Variants in MDM2 observed in about 807,000 individuals in gnomAD.
The protein encoded by MDM2 is MDM2 proto-oncogene, also known as E3 ubiquitin-protein ligase Mdm2.
MDM2 carries 11 observed loss-of-function variants against 64.3 expected under a neutral mutation model. The observed-to-expected ratio is 0.17, with a 90% CI of 0.11 to 0.28. The LOEUF (loss-of-function observed/expected upper bound fraction) is 0.28. Ranked by LOEUF, MDM2 falls within the 10% of genes least tolerant of loss-of-function variation. The pLI is 1.00. For missense variants in MDM2, 388 were observed against 577.1 expected (o/e 0.67, Z 3.36); for synonymous variants, 194 against 192.9 (o/e 1.01, Z -0.05).
At chr12:68,832,099 A>C (rs1194503826) in intron 8 of MDM2, among the ~76,000 whole-genome samples, 1 of 152,176 alleles carries the variant, frequency 6.6e-6, no homozygotes, top group Non-Finnish European at 1.5e-5. Flanking sequence ...CTCGTTTTTC[A>C]GGTTAAGTCC....
At chr12:68,814,681 G>T in intron 3 of MDM2, 1 of 282,984 alleles carries the variant, frequency 3.5e-6, no homozygotes, top group Non-Finnish European at 7.1e-6. Context: ...TGATCTTTCT[G>T]GGATAGAGGT....
In MDM2 at chr12:68,839,512, A is replaced by T. The variant is rs1883577034; in HGVS notation, c.1157A>T (p.Asp386Val). The part of the protein sequence containing the change: ...SRESCVEEND[D>V]KITQASQSQE... Reference sequence around the variant, plus strand: ...GAGTCATGTGTTGAGGAAAATGATGATAAAATTACACAAGCTTCACAATCA... The same window carrying T: ...GAGTCATGTGTTGAGGAAAATGATGTTAAAATTACACAAGCTTCACAATCA... The change falls in exon 11 of 11, where the codon GAT (aspartate) becomes GTT (valine). Residue 386 changes from aspartate (D) to valine (V), a missense_variant. Physicochemically the swap from Asp to Val is radical, Grantham distance 152 (BLOSUM62 -3). Transcript: ENST00000258149. 6.2e-7 allele frequency: 1 copy of T among 1,614,072 alleles called. No homozygotes were observed. The highest frequency in any genetic ancestry group is 8.5e-7 in the Non-Finnish European group (1 of 1,180,038).
intron 2 of MDM2, among the ~76,000 whole-genome samples, chr12:68,813,189 G>A (rs2136113269): frequency 6.6e-6 from 1 of 152,298 alleles, no homozygotes; most frequent in East Asian, 1.9e-4. Context: ...AGAAAGAGAA[G>A]ATTGATAACA....
intron 8 of MDM2, among the ~76,000 whole-genome samples, chr12:68,835,529 A>C (rs866860819): frequency 6.6e-6 from 1 of 152,322 alleles, no homozygotes; most frequent in Middle Eastern, 3.4e-3. Context: ...TCCTTTATGC[A>C]GTGGGGTTTT....
intron 1 of MDM2, 131 bp downstream of exon 1, chr12:68,808,622 G>A: frequency 7.4e-7 from 1 of 1,344,432 alleles, no homozygotes; most frequent in Non-Finnish European, 1.0e-6. Flanking sequence ...GGCGCGGGGC[G>A]CGGGGCATGG....
intron 2 of MDM2, among the ~76,000 whole-genome samples, chr12:68,809,850 G>T (rs1013761611): frequency 1.3e-5 from 2 of 152,112 alleles, no homozygotes; most frequent in Admixed American, 1.3e-4. Flanking sequence ...AAAGTCTACA[G>T]AATTCTTTTT....
In MDM2 at chr12:68,840,326, A is replaced by G. The variant is rs1038928487; in HGVS notation, c.*477A>G. On this transcript the variant is annotated 3_prime_UTR_variant, in exon 11 of 11. Transcript: ENST00000258149. The stretch of plus-strand genomic sequence containing the variant: ...CACCTGGCTAATTTTTTGTACTTTT[A>G]GTAGAGACAGGGTTTCACCGTGTTA... The G allele has an allele frequency of 6.4e-5, 11 of 172,100 alleles. No individual in the cohort carries two copies. The highest frequency in any genetic ancestry group is 1.2e-5 in the Non-Finnish European group (1 of 80,196). 10.7% of individuals were successfully genotyped at this position (172,100 alleles called of 1,614,324 possible).
At chr12:68,817,146 ATCATTTACTAGT>A (rs1881454279) in intron 4 of MDM2, 4 of 509,134 alleles carry the variant, frequency 7.9e-6, no homozygotes, top group East Asian at 3.7e-5. Context: ...ACCTAGCCCA[ATCATTTACTAGT>A]TTTGTGACTA....
chr12:68,816,476 A>G (rs1448296832), intron 3 of MDM2, among the ~76,000 whole-genome samples: 1 of 145,948 alleles, frequency 6.9e-6, no homozygotes, highest in Non-Finnish European at 1.5e-5. Context: ...GGGTTCAAGC[A>G]ATTCTCCTGC....
At chr12:68,813,421 T>C in intron 2 of MDM2, 133 bp from the exon 3 acceptor site, 1 of 611,440 alleles carries the variant, frequency 1.6e-6, no homozygotes, top group Non-Finnish European at 3.0e-6. Context: ...TCCATGATAC[T>C]TGCATAATGA....
Position 68,816,950 on chromosome 12 carries a change from T to G in MDM2, c.308+5T>G. ...CTTCTCTGTGAAAGAGCACAGGTAA[T>G]TCTTCAGTTTAGTCCATTGTAAAAA... On this transcript the variant is annotated splice_donor_5th_base_variant and intron_variant, in intron 4 of 10. Coordinates refer to ENST00000258149, the MANE Select transcript of MDM2 (RefSeq NM_002392.6). 6.2e-7 allele frequency: 1 copy of G among 1,612,364 alleles called. No homozygotes were observed. Among genetic ancestry groups the G allele is most frequent in the African/African-American group, 1.3e-5 (1 of 74,948 alleles).
At chr12:68,839,121 C>T (rs1326472106) in intron 10 of MDM2, among the ~76,000 whole-genome samples, 153 bp from the exon 11 acceptor site, 3 of 152,016 alleles carry the variant, frequency 2.0e-5, no homozygotes, top group Non-Finnish European at 4.4e-5. Context: ...AGTCCTCATG[C>T]TGTTTACAGT....
rs1346120136 is a variant in MDM2 at position 68,825,987 on chromosome 12, C to T, written c.523+1336C>T. ...AAGTTAAATGAAAAATAGAATACAA[C>T]ATATTTGAAAGATAGTCACTTTAAA... On this transcript the variant is annotated intron_variant, in intron 7 of 10. Transcript: ENST00000258149. Among the ~76,000 whole-genome samples, 3 of 152,152 alleles carry T rather than the reference C, an allele frequency of 2.0e-5. No individual in the cohort carries two copies. In the East Asian group the frequency reaches 5.8e-4, roughly 29 times the overall value.
intron 8 of MDM2, among the ~76,000 whole-genome samples, chr12:68,834,678 A>G (rs896552920): frequency 6.6e-6 from 1 of 152,196 alleles, no homozygotes; most frequent in African/African-American, 2.4e-5. Flanking sequence ...TGTAGGTTGC[A>G]GTGAGCTGAG....
chr12:68,825,483 C>G (rs967940082), intron 7 of MDM2, among the ~76,000 whole-genome samples: 5 of 152,094 alleles, frequency 3.3e-5, no homozygotes, highest in Non-Finnish European at 7.4e-5. Context: ...GAAACCCCAT[C>G]TCTACTAAAA....
In MDM2 at chr12:68,839,597, A is replaced by G. The variant is rs201686188; in HGVS notation, c.1242A>G (p.Gln414=). 4 of 1,613,994 alleles carry G rather than the reference A, an allele frequency of 2.5e-6. No individual in the cohort carries two copies. The highest frequency in any genetic ancestry group is 3.4e-6 in the Non-Finnish European group (4 of 1,180,034). The change falls in exon 11 of 11, where the codon CAA becomes CAG. Residue 414 remains glutamine (Q), a synonymous_variant. Transcript: ENST00000258149. The stretch of plus-strand genomic sequence containing the variant: ...CTAGTAGCATTATTTATAGCAGCCA[A>G]GAAGATGTGAAAGAGTTTGAAAGGG... ...STSSSIIYSS[Q]EDVKEFEREE... is the part of the protein sequence containing the mutation.
At chr12:68,824,489 T>G in intron 6 of MDM2, 59 bp downstream of exon 6, 1 of 1,593,618 alleles carries the variant, frequency 6.3e-7, no homozygotes, top group East Asian at 2.2e-5. Context: ...GAAAGGTTAT[T>G]TACAACAAGT....
Position 68,808,378 on chromosome 12 carries a change from G to T in MDM2, c.-100G>T. ...CGCCCAGTGCCCTGGCCCGGAGAGT[G>T]GAATGATCCCCGAGGCCCAGGGCGT... On this transcript the variant is annotated 5_prime_UTR_variant, in exon 1 of 11. Coordinates refer to ENST00000258149, the MANE Select transcript of MDM2 (RefSeq NM_002392.6). 6.6e-7 allele frequency: 1 copy of T among 1,517,454 alleles called. No homozygotes were observed. Among genetic ancestry groups the T allele is most frequent in the East Asian group, 2.3e-5 (1 of 44,036 alleles). 94.0% of individuals were successfully genotyped at this position (1,517,454 alleles called of 1,614,324 possible).
rs932461394 is a variant in MDM2 at position 68,843,655 on chromosome 12, A to T, written c.*3806A>T. ...GTAAGCTTAGAATAGGACTGAGGTA[A>T]TTCTGCACAGCAACTTTACTAATGG... On this transcript the variant is annotated 3_prime_UTR_variant, in exon 11 of 11. Transcript: ENST00000258149. The T allele has an allele frequency of 4.4e-6, 1 of 225,476 alleles. No individual in the cohort carries two copies. Among genetic ancestry groups the T allele is most frequent in the African/African-American group, 2.2e-5 (1 of 44,752 alleles). The allele number at this position is 225,476 out of a possible 1,614,324, so 14.0% of individuals were successfully genotyped here.
Sources: allele counts gnomAD v4.1 joint callset (sites outside exome capture counted in the v4.1 genomes callset), GRCh38; gene constraint gnomAD v4.1.1; transcripts MANE v1.5; gene names NCBI Gene and HGNC (gene_info 2026-07-23, HGNC 2026-07-21).